The following HS3ST4 variants were observed in gnomAD, a reference collection of about 807,000 sequenced individuals.
HS3ST4 encodes heparan sulfate-glucosamine 3-sulfotransferase 4.
A neutral mutation model predicts 29.2 loss-of-function variants in HS3ST4; 17 were observed. The observed-to-expected ratio is 0.58, with a 90% CI of 0.40 to 0.87. The LOEUF is 0.87. Ranked by LOEUF, HS3ST4 falls within the 40% of genes least tolerant of loss-of-function variation. HS3ST4 has a pLI of 0.00. For synonymous variants in HS3ST4, 314 were observed against 285.7 expected (o/e 1.10, Z -1.00); for missense variants, 627 against 634.5 (o/e 0.99, Z 0.13).
intron 1 of HS3ST4, among the ~76,000 whole-genome samples, chr16:25,998,741 A>AC (rs1424526677): frequency 5.3e-5 from 8 of 152,080 alleles, no homozygotes; most frequent in Non-Finnish European, 1.0e-4. Context: ...AAATTTGAGA[A>AC]CTAGCAAAAA....
intron 1 of HS3ST4, among the ~76,000 whole-genome samples, chr16:26,091,689 G>A (rs974758554): frequency 1.3e-5 from 2 of 152,168 alleles, no homozygotes; most frequent in African/African-American, 2.4e-5. Context: ...GAACATTCAA[G>A]TCACCATTCA....
chr16:26,064,207 TGCCCAGTGTA>T (rs1898515174), intron 1 of HS3ST4, among the ~76,000 whole-genome samples: 1 of 152,204 alleles, frequency 6.6e-6, no homozygotes, highest in African/African-American at 2.4e-5. Flanking sequence ...CAGGAGGGAA[TGCCCAGTGTA>T]GCCAAATCTT....
intron 1 of HS3ST4, among the ~76,000 whole-genome samples, chr16:26,079,010 G>T (rs1898696646): frequency 6.6e-6 from 1 of 152,204 alleles, no homozygotes. Context: ...GGCTCTCATT[G>T]TTTGTGGTGC....
At chr16:25,733,769 T>G (rs987951779) in intron 1 of HS3ST4, among the ~76,000 whole-genome samples, 3 of 152,158 alleles carry the variant, frequency 2.0e-5, no homozygotes, top group Non-Finnish European at 4.4e-5. Flanking sequence ...GGGATATTAG[T>G]TAACAGGTGA....
rs1898273259 is a variant in HS3ST4 at position 26,135,651 on chromosome 16, G to A, written c.774G>A (p.Met258Ile). Residue 258 changes from methionine (M) to isoleucine (I), a missense_variant, in exon 2 of 2, where the codon ATG becomes ATA. Physicochemically the swap from Met to Ile is conservative, Grantham distance 10 (BLOSUM62 1). Transcript: ENST00000331351. Reference protein sequence around the residue: ...MPKTLDGQITMEKTPSYFVTN... With the variant: ...MPKTLDGQITIEKTPSYFVTN... ...AGACTTTGGATGGGCAAATAACCAT[G>A]GAGAAGACTCCAAGTTACTTTGTGA... 6 of 1,612,140 alleles carry A rather than the reference G, an allele frequency of 3.7e-6. No individual in the cohort carries two copies. Among genetic ancestry groups the A allele is most frequent in the Non-Finnish European group, 4.2e-6 (5 of 1,179,224 alleles).
At chr16:25,772,995 A>T (rs1002108558) in intron 1 of HS3ST4, among the ~76,000 whole-genome samples, 6 of 152,146 alleles carry the variant, frequency 3.9e-5, no homozygotes, top group Non-Finnish European at 5.9e-5. Flanking sequence ...AAATTCTGGG[A>T]TGGGAAGGAG....
At chr16:25,703,769 C>T (rs767307667) in intron 1 of HS3ST4, among the ~76,000 whole-genome samples, 2 of 147,480 alleles carry the variant, frequency 1.4e-5, no homozygotes, top group Non-Finnish European at 3.1e-5. Context: ...TCTCTTTTCC[C>T]TCCTCCTGGA....
chr16:25,936,270 T>C (rs959027695), intron 1 of HS3ST4, among the ~76,000 whole-genome samples: 1 of 152,232 alleles, frequency 6.6e-6, no homozygotes, highest in Admixed American at 6.5e-5. Flanking sequence ...TCTGTCCTAC[T>C]AAGTGATTTG....
chr16:25,807,676 A>C (rs1244521191), intron 1 of HS3ST4, among the ~76,000 whole-genome samples: 1 of 152,210 alleles, frequency 6.6e-6, no homozygotes, highest in Non-Finnish European at 1.5e-5. Context: ...ATAAATGCCC[A>C]AGAGCGCAGT....
chr16:25,894,613 C>G (rs1161004402), intron 1 of HS3ST4, among the ~76,000 whole-genome samples: 2 of 151,720 alleles, frequency 1.3e-5, no homozygotes. Context: ...TCAAGTGACT[C>G]TCCTGTCTTA....
At chr16:26,104,209 C>G (rs961805475) in intron 1 of HS3ST4, among the ~76,000 whole-genome samples, 3 of 152,158 alleles carry the variant, frequency 2.0e-5, no homozygotes, top group Admixed American at 6.6e-5. Flanking sequence ...GTACTACTAA[C>G]CAGTCAACCT....
chr16:25,750,558 C>G (rs1596560442), intron 1 of HS3ST4, among the ~76,000 whole-genome samples: 2 of 152,206 alleles, frequency 1.3e-5, no homozygotes, highest in South Asian at 4.1e-4. Context: ...CAGTGTGGCT[C>G]TTGAAAAGCT....
intron 1 of HS3ST4, among the ~76,000 whole-genome samples, chr16:25,854,518 C>T (rs1480476857): frequency 6.6e-6 from 1 of 152,076 alleles, no homozygotes; most frequent in Non-Finnish European, 1.5e-5. Context: ...GTATCCTGTG[C>T]CGACCTCCTA....
chr16:25,855,632 G>A (rs116674179), intron 1 of HS3ST4, among the ~76,000 whole-genome samples: 1,778 of 152,228 alleles, frequency 0.012, 28 homozygotes, highest in African/African-American at 0.039. Flanking sequence ...ACTAAACTCC[G>A]AAAGGCAAGA....
At chr16:25,874,271 A>G (rs201089440) in intron 1 of HS3ST4, among the ~76,000 whole-genome samples, 2 of 152,320 alleles carry the variant, frequency 1.3e-5, no homozygotes, top group East Asian at 1.9e-4. Flanking sequence ...AACAATAGCA[A>G]ATAACATTTA....
At chr16:26,100,491 C>T (rs572960636) in intron 1 of HS3ST4, among the ~76,000 whole-genome samples, 137 of 152,228 alleles carry the variant, frequency 9.0e-4, no homozygotes, top group Middle Eastern at 6.8e-3. Context: ...GAGCAGGTAT[C>T]CTCTCAGTTC....
At chr16:26,123,834 A>G (rs1363151419) in intron 1 of HS3ST4, among the ~76,000 whole-genome samples, 1 of 152,240 alleles carries the variant, frequency 6.6e-6, no homozygotes. Context: ...AGTTGCTGCA[A>G]AAGACATTAT....
chr16:25,934,531 G>A (rs1284422837), intron 1 of HS3ST4, among the ~76,000 whole-genome samples: 1 of 152,202 alleles, frequency 6.6e-6, no homozygotes, highest in African/African-American at 2.4e-5. Context: ...TACTGGGGAT[G>A]GACAGGCCGA....
intron 1 of HS3ST4, among the ~76,000 whole-genome samples, chr16:25,842,612 T>C (rs1452544520): frequency 6.6e-6 from 1 of 152,224 alleles, no homozygotes; most frequent in Admixed American, 6.5e-5. Context: ...TTTTGTGTTT[T>C]ATTAATCCCA....
Sources: gnomAD v4.1 joint callset for allele counts (sites outside exome capture counted in the v4.1 genomes callset) on GRCh38, gnomAD v4.1.1 for gene constraint, MANE v1.5 for transcripts, NCBI Gene and HGNC (gene_info 2026-07-23, HGNC 2026-07-21) for gene names.